USP9X: variants seen among roughly 807,000 people sequenced by gnomAD.
USP9X encodes the protein ubiquitin specific peptidase 9 X-linked.
In USP9X, 7 loss-of-function variants were observed where a neutral mutation model predicts 190.3. The observed-to-expected ratio is 0.04, with a 90% CI of 0.02 to 0.07. The LOEUF (loss-of-function observed/expected upper bound fraction) is 0.07, where lower values mean the gene tolerates loss of function less well. Ranked by LOEUF, USP9X falls within the 10% of genes least tolerant of loss-of-function variation. USP9X has a pLI of 1.00. For missense variants in USP9X, 1,010 were observed against 1,916.9 expected (o/e 0.53, Z 8.83); for synonymous variants, 645 against 659.5 (o/e 0.98, Z 0.34).
At chrX:41,108,687 CT>C (rs2062086988) in intron 1 of USP9X, among the ~76,000 whole-genome samples, 1 of 111,718 alleles carries the variant, frequency 9.0e-6, no homozygotes, top group Non-Finnish European at 1.9e-5. Flanking sequence ...GCCTTTCCCC[CT>C]GGGCAAAATC....
intron 1 of USP9X, among the ~76,000 whole-genome samples, chrX:41,108,201 C>T (rs1460459926): frequency 1.8e-5 from 2 of 111,884 alleles, no homozygotes; most frequent in African/African-American, 6.5e-5. Flanking sequence ...TGCTCTTCAG[C>T]GGGTGTAGCC....
intron 2 of USP9X, among the ~76,000 whole-genome samples, chrX:41,125,684 A>ACACACTCTCTCTCTCTCT: frequency 5.3e-5 from 1 of 19,025 alleles, no homozygotes; most frequent in African/African-American, 2.2e-4. Context: ...ACACACACAC[A>ACACACTCTCTCTCTCTCT]CTCTCTCTCT....
At chrX:41,102,582 C>T (rs764946732) in intron 1 of USP9X, among the ~76,000 whole-genome samples, 33 of 111,079 alleles carry the variant, frequency 3.0e-4, no homozygotes, top group African/African-American at 9.8e-4. Flanking sequence ...GAGATCACGC[C>T]GCTGGACTCA....
Position 41,184,613 on chromosome X carries a change from C to A in USP9X, c.3496C>A (p.His1166Asn). 8.3e-7 allele frequency: 1 copy of A among 1,211,577 alleles called. No individual in the cohort carries two copies. The highest frequency in any genetic ancestry group is 1.1e-6 in the Non-Finnish European group (1 of 895,279). Residue 1166 changes from histidine to asparagine, a missense_variant, in exon 23 of 45, where the codon CAT becomes AAT. Around this residue, in one of 11 missense-constraint regions of USP9X, gnomAD observed 351 missense variants for 480.8 expected, o/e 0.73. Transcript: ENST00000378308. ...KLLLTAIGYG[H>N]VRAVAEACQP... ...TTTGCTAACTGCCATTGGCTATGGT[C>A]ATGTTCGAGCTGTGGCAGAAGCTTG...
intron 21 of USP9X, among the ~76,000 whole-genome samples, chrX:41,172,284 C>A (rs1389295955): frequency 3.6e-5 from 4 of 112,040 alleles, no homozygotes; most frequent in Non-Finnish European, 7.5e-5. Flanking sequence ...TAAAATAGCA[C>A]CGCCCAGGAG....
chrX:41,216,631 G>A lies in USP9X; in HGVS notation c.6064G>A (p.Val2022Ile), dbSNP rs1036680341. ...GAAAAAACTGCTTACATGTAATGGC[G>A]TTTACTTAAACCCTCCTCCCGGTGA... ...FMKKLLTCNG[V>I]YLNPPPGQDH... Residue 2022 changes from valine to isoleucine, a missense_variant, in exon 35 of 45, where the codon GTT becomes ATT. This residue lies in a region of USP9X where 121 missense variants were observed against 281.2 expected (regional missense o/e 0.43). Transcript: ENST00000378308. The A allele has an allele frequency of 1.7e-6, 2 of 1,206,434 alleles. No individual in the cohort carries two copies. Among genetic ancestry groups the A allele is most frequent in the Non-Finnish European group, 2.2e-6 (2 of 892,881 alleles).
intron 1 of USP9X, among the ~76,000 whole-genome samples, chrX:41,121,974 C>G (rs754393607): frequency 1.8e-5 from 2 of 111,859 alleles, no homozygotes; most frequent in African/African-American, 6.5e-5. Flanking sequence ...TGTTATGGCT[C>G]TAGGAGTGGC....
chrX:41,157,292 A>C (rs983307413), intron 14 of USP9X, among the ~76,000 whole-genome samples: 9 of 111,660 alleles, frequency 8.1e-5, no homozygotes, highest in Non-Finnish European at 1.5e-4. Flanking sequence ...GCAAGCTGCT[A>C]GTCTCCGAAT....
intron 14 of USP9X, among the ~76,000 whole-genome samples, chrX:41,160,891 T>G (rs2062623673): frequency 1.8e-5 from 2 of 111,672 alleles, no homozygotes; most frequent in Admixed American, 9.5e-5. Context: ...ATTGGGAAAA[T>G]TGATGAACTC....
At chrX:41,125,684 A>ACACACTCTCT in intron 2 of USP9X, among the ~76,000 whole-genome samples, 58 of 19,021 alleles carry the variant, frequency 3.0e-3, no homozygotes, top group Middle Eastern at 0.059. Context: ...ACACACACAC[A>ACACACTCTCT]CTCTCTCTCT....
chrX:41,213,325 CTT>C (rs2063182528), intron 33 of USP9X, among the ~76,000 whole-genome samples: 1 of 111,252 alleles, frequency 9.0e-6, no homozygotes, highest in Non-Finnish European at 1.9e-5. Flanking sequence ...AGAAACTCTA[CTT>C]TGAGTGCCCA....
At chrX:41,230,945 T>C (rs748645143) in intron 44 of USP9X, among the ~76,000 whole-genome samples, 3 of 111,719 alleles carry the variant, frequency 2.7e-5, no homozygotes, top group Non-Finnish European at 3.8e-5. Flanking sequence ...CCAAAAACAT[T>C]ATTAAGATAT....
chrX:41,187,601 A>G (rs750207679), intron 24 of USP9X, among the ~76,000 whole-genome samples: 139 of 112,444 alleles, frequency 1.2e-3, no homozygotes, highest in Non-Finnish European at 2.0e-3. Flanking sequence ...AGTAAAATGT[A>G]ATAGTAAAGA....
chrX:41,215,017 A>G (rs1253402924), intron 34 of USP9X, among the ~76,000 whole-genome samples: 1 of 112,282 alleles, frequency 8.9e-6, no homozygotes, highest in Non-Finnish European at 1.9e-5. Context: ...CTACCGAGAA[A>G]CAAATTGCCA....
chrX:41,139,222 A>G (rs2062401364), intron 6 of USP9X, among the ~76,000 whole-genome samples: 1 of 112,461 alleles, frequency 8.9e-6, no homozygotes, highest in Non-Finnish European at 1.9e-5. Context: ...GACAAAAGGG[A>G]TCTGGTGAAT....
intron 12 of USP9X, among the ~76,000 whole-genome samples, chrX:41,149,820 C>T (rs137899679): frequency 0.019 from 2,060 of 110,002 alleles, 98 homozygotes; most frequent in East Asian, 0.15. Context: ...TCTCCTGCCT[C>T]GGCCTCCCCA....
At chrX:41,200,155 T>C (rs2063028936) in intron 30 of USP9X, among the ~76,000 whole-genome samples, 1 of 112,061 alleles carries the variant, frequency 8.9e-6, no homozygotes, top group Non-Finnish European at 1.9e-5. Context: ...AATAAATTGA[T>C]TGCTTAAAAG....
At chrX:41,177,324 C>G (rs1474348810) in intron 21 of USP9X, among the ~76,000 whole-genome samples, 1 of 112,225 alleles carries the variant, frequency 8.9e-6, no homozygotes, top group African/African-American at 3.2e-5. Context: ...TTTCAGTTGT[C>G]TTTAATCTGG....
At chrX:41,224,050 C>T (rs2063290253) in intron 39 of USP9X, among the ~76,000 whole-genome samples, 1 of 109,207 alleles carries the variant, frequency 9.2e-6, no homozygotes, top group Non-Finnish European at 1.9e-5. Context: ...AAATTAACAA[C>T]AAAAAAGTTG....
Sources: gnomAD v4.1 joint callset for allele counts (sites outside exome capture counted in the v4.1 genomes callset) on GRCh38, gnomAD v4.1.1 for gene constraint, gnomAD v4.1.1 regional missense constraint, MANE v1.5 for transcripts, NCBI Gene and HGNC (gene_info 2026-07-23, HGNC 2026-07-21) for gene names.